Variants in OTUD7A observed in about 807,000 individuals in gnomAD.
The protein encoded by OTUD7A is OTU domain-containing protein 7A.
OTUD7A carries 12 observed loss-of-function variants against 65.7 expected under a neutral mutation model. The ratio of observed to expected loss-of-function variants is 0.18; its 90% CI spans 0.12 to 0.30. The LOEUF (loss-of-function observed/expected upper bound fraction) is 0.30. Ranked by LOEUF, OTUD7A falls within the 10% of genes least tolerant of loss-of-function variation. OTUD7A has a pLI of 1.00. For missense variants in OTUD7A, 1,148 were observed against 1,304.8 expected (o/e 0.88, Z 1.85); for synonymous variants, 641 against 586.3 (o/e 1.09, Z -1.35).
intron 3 of OTUD7A, chr15:31,649,871 T>C (rs892032497): frequency 6.1e-6 from 2 of 328,336 alleles, no homozygotes; most frequent in African/African-American, 4.3e-5. Context: ...GCCACAGAGT[T>C]GGAGGTGAGC....
chr15:31,847,574 T>C (rs1362983851), intron 1 of OTUD7A, among the ~76,000 whole-genome samples: 2 of 152,128 alleles, frequency 1.3e-5, no homozygotes, highest in African/African-American at 2.4e-5. Context: ...GCATAAGGGT[T>C]TGCAACACAG....
intron 1 of OTUD7A, among the ~76,000 whole-genome samples, chr15:31,764,698 C>T (rs571475759): frequency 1.4e-4 from 22 of 152,112 alleles, no homozygotes; most frequent in African/African-American, 5.1e-4. Context: ...ATTGGAATCA[C>T]CTAGATTAAA....
At chr15:31,527,440 G>C (rs1453097956) in intron 6 of OTUD7A, 132 bp from the exon 7 acceptor site, 1 of 1,223,394 alleles carries the variant, frequency 8.2e-7, no homozygotes, top group Non-Finnish European at 1.1e-6. Context: ...CTTACTCAGC[G>C]GTTCTGTTAA....
intron 1 of OTUD7A, chr15:31,767,470 C>A: frequency 1.3e-6 from 1 of 772,912 alleles, no homozygotes; most frequent in South Asian, 1.3e-5. Context: ...CACTTCATGG[C>A]AGATAATACC....
chr15:31,577,648 G>A (rs1484973395), intron 3 of OTUD7A, among the ~76,000 whole-genome samples: 3 of 151,976 alleles, frequency 2.0e-5, no homozygotes, highest in Non-Finnish European at 2.9e-5. Flanking sequence ...TGTTCCCTGG[G>A]TCATGGTCAT....
At chr15:31,816,010 GC>G (rs1439772191) in intron 1 of OTUD7A, among the ~76,000 whole-genome samples, 1 of 152,186 alleles carries the variant, frequency 6.6e-6, no homozygotes, top group Admixed American at 6.5e-5. Context: ...GGAGGCACAT[GC>G]CCCAGTTTGG....
intron 1 of OTUD7A, among the ~76,000 whole-genome samples, chr15:31,781,898 G>C (rs1432940586): frequency 1.3e-5 from 2 of 152,158 alleles, no homozygotes; most frequent in East Asian, 3.8e-4. Flanking sequence ...TGGAATCGTG[G>C]GAGACTGAGT....
chr15:31,752,631 T>C (rs183392052), intron 1 of OTUD7A, among the ~76,000 whole-genome samples: 1 of 152,338 alleles, frequency 6.6e-6, no homozygotes, highest in African/African-American at 2.4e-5. Flanking sequence ...TGACATACTA[T>C]ATATTATGCA....
chr15:31,818,449 TTA>T, intron 1 of OTUD7A, among the ~76,000 whole-genome samples: 1 of 152,316 alleles, frequency 6.6e-6, no homozygotes, highest in East Asian at 1.9e-4. Flanking sequence ...GTCACAGGTG[TTA>T]CTAACCAAGT....
chr15:31,616,716 G>C (rs1175408076), intron 3 of OTUD7A, among the ~76,000 whole-genome samples: 5 of 152,100 alleles, frequency 3.3e-5, no homozygotes, highest in Admixed American at 3.3e-4. Context: ...GCTAATTTTT[G>C]TATTTTCAGT....
chr15:31,768,194 C>T (rs1351844375), intron 1 of OTUD7A: 2 of 1,213,484 alleles, frequency 1.6e-6, no homozygotes, highest in East Asian at 4.6e-5. Flanking sequence ...CACAACCCGA[C>T]TCTCCACAGG....
chr15:31,693,971 C>T (rs1254441262), intron 1 of OTUD7A, among the ~76,000 whole-genome samples: 3 of 152,202 alleles, frequency 2.0e-5, no homozygotes, highest in Non-Finnish European at 2.9e-5. Flanking sequence ...ATTCACTGCT[C>T]TAAGCTGACA....
chr15:31,595,818 T>C (rs1351570252), intron 3 of OTUD7A, among the ~76,000 whole-genome samples: 1 of 152,228 alleles, frequency 6.6e-6, no homozygotes, highest in Non-Finnish European at 1.5e-5. Flanking sequence ...GCTGTAGCAC[T>C]GAGTCCCTGT....
At chr15:31,802,141 G>GTGTGTGTGTGTATA (rs553698632) in intron 1 of OTUD7A, among the ~76,000 whole-genome samples, 54 of 142,574 alleles carry the variant, frequency 3.8e-4, no homozygotes, top group Admixed American at 7.8e-4. Context: ...GTGTGTGTGT[G>GTGTGTGTGTGTATA]TATATATATA....
rs546253729 is a variant in OTUD7A, at chr15:31,640,036, C to A, written c.151+15060G>T. Among the ~76,000 whole-genome samples, 4 of 152,222 alleles carry A rather than the reference C, an allele frequency of 2.6e-5. No homozygotes were observed. The East Asian group carries it at 7.7e-4, about 29-fold the overall frequency. ...AATGAAGTCCAATTTATTAATTTTTCTTTTATGGATTGTTCATGGGGTATC... is the reference window on the plus strand; with the variant it reads ...AATGAAGTCCAATTTATTAATTTTTATTTTATGGATTGTTCATGGGGTATC... On this transcript the variant is annotated intron_variant, in intron 3 of 12. Transcript: ENST00000307050.
At chr15:31,678,804 C>A (rs959753874) in intron 1 of OTUD7A, among the ~76,000 whole-genome samples, 21 of 152,212 alleles carry the variant, frequency 1.4e-4, no homozygotes, top group Non-Finnish European at 2.8e-4. Flanking sequence ...GGTCACAGCC[C>A]CCACACAAGA....
At chr15:31,609,819 TCACCCCCCTGCCACCTC>T (rs1339401664) in intron 3 of OTUD7A, among the ~76,000 whole-genome samples, 3 of 151,992 alleles carry the variant, frequency 2.0e-5, no homozygotes, top group Non-Finnish European at 2.9e-5. Flanking sequence ...AGAGTCCATT[TCACCCCCCTGCCACCTC>T]CACTGGAACA....
At chr15:31,532,929 G>A (rs1357903814) in intron 5 of OTUD7A, among the ~76,000 whole-genome samples, 1 of 112,386 alleles carries the variant, frequency 8.9e-6, no homozygotes, top group African/African-American at 4.1e-5. Flanking sequence ...GCGAGACTCC[G>A]TATCAAAAAA....
intron 1 of OTUD7A, among the ~76,000 whole-genome samples, chr15:31,845,877 G>A (rs960078606): frequency 6.6e-6 from 1 of 152,222 alleles, no homozygotes; most frequent in Admixed American, 6.5e-5. Context: ...CCCCATGCAG[G>A]AGGAGGTCTG....
Sources: gnomAD v4.1 joint callset for allele counts (sites outside exome capture counted in the v4.1 genomes callset) on GRCh38, gnomAD v4.1.1 for gene constraint, MANE v1.5 for transcripts, NCBI Gene and HGNC (gene_info 2026-07-23, HGNC 2026-07-21) for gene names.